M1AP: variants seen among roughly 807,000 people sequenced by gnomAD.
The protein encoded by M1AP is meiosis 1 arrest protein.
Under a neutral mutation model 51.2 loss-of-function variants are expected in M1AP, and 39 were observed. The ratio of observed to expected loss-of-function variants is 0.76; its 90% CI spans 0.59 to 1.00. M1AP has a LOEUF of 1.00. Ranked by LOEUF, M1AP falls within the 50% of genes least tolerant of loss-of-function variation. M1AP has a pLI of 0.00. For synonymous variants in M1AP, 251 were observed against 249.2 expected, an observed-to-expected ratio of 1.01 and a Z score of -0.07; for missense variants, 545 against 641.2, an observed-to-expected ratio of 0.85 and a Z score of 1.62.
At chr2:74,576,011 G>A (rs962197103) in intron 6 of M1AP, among the ~76,000 whole-genome samples, 2 of 152,128 alleles carry the variant, frequency 1.3e-5, no homozygotes, top group South Asian at 4.1e-4. Flanking sequence ...GAGCCACCGT[G>A]CCTAGTCTGC....
chr2:74,560,256 G>A lies in M1AP; in HGVS notation c.1317C>T (p.Tyr439=), dbSNP rs1677824206. The A allele has an allele frequency of 6.2e-7, 1 of 1,612,954 alleles. No individual in the cohort carries two copies. Among genetic ancestry groups the A allele is most frequent in the African/African-American group, 1.3e-5 (1 of 74,896 alleles). Residue 439 remains tyrosine, a synonymous_variant, in exon 9 of 11, where the codon TAC becomes TAT. Transcript: ENST00000421985. ...MLDSLELEPT[Y]NPLHVQSHLY... ...GGTGGCTTTGAACATGCAAGGGGTT[G>A]TAGGTGGGCTCCAGCTCCAGGCTGT...
chr2:74,647,762 C>T (rs1573209518), intron 1 of M1AP, among the ~76,000 whole-genome samples: 1 of 152,134 alleles, frequency 6.6e-6, no homozygotes, highest in African/African-American at 2.4e-5. Context: ...GGCGTGGTGG[C>T]GGGAGCCTGT....
intron 2 of M1AP, among the ~76,000 whole-genome samples, chr2:74,631,589 A>T (rs1424333753): frequency 6.6e-6 from 1 of 152,088 alleles, no homozygotes; most frequent in African/African-American, 2.4e-5. Context: ...AAATTAGAAT[A>T]CTCTGAGTCC....
At chr2:74,594,261 T>G (rs1680202802) in intron 4 of M1AP, among the ~76,000 whole-genome samples, 1 of 152,192 alleles carries the variant, frequency 6.6e-6, no homozygotes, top group Admixed American at 6.5e-5. Flanking sequence ...CAGAAAACTA[T>G]GACTCAGTCT....
chr2:74,602,440 A>G (rs533984414), intron 4 of M1AP, among the ~76,000 whole-genome samples: 19 of 152,248 alleles, frequency 1.2e-4, no homozygotes, highest in Non-Finnish European at 2.4e-4. Flanking sequence ...GCTAACTTTT[A>G]TAGAGAACTT....
intron 5 of M1AP, among the ~76,000 whole-genome samples, chr2:74,580,451 C>T (rs1484037066): frequency 6.6e-6 from 1 of 152,112 alleles, no homozygotes; most frequent in East Asian, 1.9e-4. Flanking sequence ...AGATTAAAAT[C>T]AAGTTAAGTT....
chr2:74,648,061 C>T (rs1683708668), intron 1 of M1AP: 1 of 985,536 alleles, frequency 1.0e-6, no homozygotes, highest in Non-Finnish European at 1.2e-6. Context: ...GCCTGGCCGC[C>T]CAGAACAGTA....
In M1AP at chr2:74,626,440, G is replaced by A. The variant is rs141320263; in HGVS notation, c.241-11291C>T. ...CTAATTTTTTATTTTTAAATTTTTT[G>A]TAGAGATGAGGTCTCACTATGTTGC... On this transcript the variant is annotated intron_variant, in intron 2 of 10. Transcript: ENST00000421985. Among the ~76,000 whole-genome samples the A allele has an allele frequency of 8.4e-3, 1,273 of 151,646 alleles. 11 individuals are homozygous for A. Among genetic ancestry groups the A allele is most frequent in the Non-Finnish European group, 0.014 (952 of 67,866 alleles).
At chr2:74,626,256 A>AT (rs1485849068) in intron 2 of M1AP, among the ~76,000 whole-genome samples, 2,360 of 136,456 alleles carry the variant, frequency 0.017, 74 homozygotes, top group African/African-American at 0.052. Context: ...GCTATATTTC[A>AT]GTTTTTTTTT....
At chr2:74,599,971 G>C (rs1351893936) in intron 4 of M1AP, among the ~76,000 whole-genome samples, 4 of 152,036 alleles carry the variant, frequency 2.6e-5, no homozygotes, top group Non-Finnish European at 5.9e-5. Context: ...TTTTTTGGTA[G>C]AGAGAGGGTT....
At position 74,565,825 on chromosome 2, in the gene M1AP, T is replaced by TCACACACACA. The variant is rs72206117; in HGVS notation, c.1075-3412_1075-3403dup. On this transcript the variant is annotated intron_variant, in intron 7 of 10. Transcript: ENST00000421985. ...GCCTGGGCAACAGAGTGAGATGCCG[T>TCACACACACA]CACACACACACACACACACACACAC... 5.5e-3 allele frequency among the ~76,000 whole-genome samples: 757 copies of TCACACACACA among 138,072 alleles called. 13 individuals carry two copies. In the East Asian group the frequency reaches 0.055, roughly 10 times the overall value. The allele number at this position is 138,072 out of a possible 152,430, so 90.6% of individuals were successfully genotyped here. A position where few individuals can be genotyped will look rare whatever the true frequency, so the allele number is the denominator to read the frequency against.
At chr2:74,584,202 T>G (rs1679571157) in intron 4 of M1AP, among the ~76,000 whole-genome samples, 1 of 152,186 alleles carries the variant, frequency 6.6e-6, no homozygotes, top group Non-Finnish European at 1.5e-5. Flanking sequence ...AATTTAATTT[T>G]TCTAAGCCTG....
chr2:74,580,412 G>A (rs1679329967), intron 5 of M1AP, among the ~76,000 whole-genome samples: 1 of 152,124 alleles, frequency 6.6e-6, no homozygotes, highest in Admixed American at 6.5e-5. Flanking sequence ...AGGAGGTTCT[G>A]GGAAGAATAT....
chr2:74,579,278 C>G (rs982736864), intron 5 of M1AP, among the ~76,000 whole-genome samples: 1 of 152,242 alleles, frequency 6.6e-6, no homozygotes, highest in African/African-American at 2.4e-5. Context: ...TTCCTGGCCT[C>G]TGAGGGCACC....
intron 5 of M1AP, among the ~76,000 whole-genome samples, chr2:74,577,745 C>G (rs1679162429): frequency 2.0e-5 from 3 of 152,206 alleles, no homozygotes; most frequent in African/African-American, 7.2e-5. Context: ...GGGACTTTGC[C>G]TAGGACTCCA....
intron 4 of M1AP, among the ~76,000 whole-genome samples, chr2:74,587,333 G>A (rs1679772947): frequency 6.6e-6 from 1 of 151,894 alleles, no homozygotes. Flanking sequence ...CGAGTAGCTG[G>A]GACTACAGGC....
At chr2:74,584,738 C>T (rs1164220827) in intron 4 of M1AP, among the ~76,000 whole-genome samples, 2 of 149,600 alleles carry the variant, frequency 1.3e-5, no homozygotes, top group African/African-American at 4.9e-5. Flanking sequence ...GAAAAAGTTA[C>T]CCTAAGAAGG....
chr2:74,584,186 A>C (rs1291069070), intron 4 of M1AP, among the ~76,000 whole-genome samples: 2 of 152,206 alleles, frequency 1.3e-5, no homozygotes, highest in African/African-American at 4.8e-5. Context: ...AGGCAAAACA[A>C]GGAGTAATTT....
intron 2 of M1AP, among the ~76,000 whole-genome samples, chr2:74,636,547 C>T (rs1683000523): frequency 6.6e-6 from 1 of 152,072 alleles, no homozygotes; most frequent in African/African-American, 2.4e-5. Flanking sequence ...ACATACCTTC[C>T]AATGGGCTAT....
Sources: allele counts gnomAD v4.1 joint callset (sites outside exome capture counted in the v4.1 genomes callset), GRCh38; gene constraint gnomAD v4.1.1; transcripts MANE v1.5; gene names NCBI Gene and HGNC (gene_info 2026-07-23, HGNC 2026-07-21).